Variants in SYNE1 observed in about 807,000 individuals in gnomAD.
The protein encoded by SYNE1 is nesprin-1.
SYNE1 carries 616 observed loss-of-function variants against 1,111.0 expected under a neutral mutation model. The observed-to-expected ratio is 0.55, with a 90% CI of 0.52 to 0.59. SYNE1 has a LOEUF of 0.59. Among genes scored for constraint, SYNE1 ranks in the 20% least tolerant of loss-of-function variants. The probability of loss-of-function intolerance (pLI) is 0.00; values close to 1 mark genes in which losing one functional copy is unlikely to be tolerated. For missense variants in SYNE1, 10,006 were observed against 10,417.0 expected, an observed-to-expected ratio of 0.96 and a Z score of 1.72; for synonymous variants, 3,855 against 3,825.8, an observed-to-expected ratio of 1.01 and a Z score of -0.28.
intron 3 of SYNE1, among the ~76,000 whole-genome samples, chr6:152,620,783 A>G (rs1351797675): frequency 6.6e-6 from 1 of 152,198 alleles, no homozygotes; most frequent in East Asian, 1.9e-4. Context: ...AACTATTTAT[A>G]TTATATGCAC....
At chr6:152,511,774 GT>G (rs2099086287) in intron 6 of SYNE1, among the ~76,000 whole-genome samples, 2 of 152,148 alleles carry the variant, frequency 1.3e-5, no homozygotes, top group Non-Finnish European at 2.9e-5. Flanking sequence ...TTAGCATTCA[GT>G]TCCCTACTTT....
At chr6:152,613,114 T>G (rs1400721299) in intron 3 of SYNE1, among the ~76,000 whole-genome samples, 2 of 152,138 alleles carry the variant, frequency 1.3e-5, no homozygotes, top group African/African-American at 4.8e-5. Context: ...CTCTCACCAC[T>G]CCTATTCAAC....
At chr6:152,199,878 C>G (rs2813536) in intron 127 of SYNE1, among the ~76,000 whole-genome samples, 60,612 of 152,116 alleles carry the variant, frequency 0.4, 12,237 homozygotes, top group Middle Eastern at 0.55. Context: ...AATCTACACA[C>G]TCAATAGCAG....
At chr6:152,506,595 G>T (rs1034084500) in intron 8 of SYNE1, among the ~76,000 whole-genome samples, 4 of 151,868 alleles carry the variant, frequency 2.6e-5, no homozygotes, top group African/African-American at 9.7e-5. Flanking sequence ...AGGCTGGAGT[G>T]CAGTGGCACA....
chr6:152,146,024 C>CAAAAAAAAAAAAAAAAAAAA (rs57218606), intron 137 of SYNE1: 2 of 49,668 alleles, frequency 4.0e-5, no homozygotes, highest in South Asian at 1.0e-3. Flanking sequence ...GACTTCGTCT[C>CAAAAAAAAAAAAAAAAAAAA]AAAAAAAAAA....
rs556134212 is a variant in SYNE1 at position 152,265,450 on chromosome 6, C to A, written c.18815+2606G>T. Among the ~76,000 whole-genome samples the A allele has an allele frequency of 3.3e-5, 5 of 152,056 alleles. No homozygotes were observed. The East Asian group carries it at 9.7e-4, about 29-fold the overall frequency. Reference sequence around the variant, plus strand: ...AGTTGAGTGTCTATAATATTAGTATCTGAATTTTTCTATTTTCTAAAAATT... The same window carrying A: ...AGTTGAGTGTCTATAATATTAGTATATGAATTTTTCTATTTTCTAAAAATT... On this transcript the variant is annotated intron_variant, in intron 100 of 145. Coordinates refer to ENST00000367255, the MANE Select transcript of SYNE1 (RefSeq NM_182961.4).
intron 123 of SYNE1, among the ~76,000 whole-genome samples, chr6:152,212,530 A>G (rs2077717027): frequency 6.6e-6 from 1 of 152,090 alleles, no homozygotes; most frequent in African/African-American, 2.4e-5. Context: ...TTATCAGTTG[A>G]TGGACATTTG....
At chr6:152,557,996 C>G (rs913117977) in intron 3 of SYNE1, among the ~76,000 whole-genome samples, 1 of 152,106 alleles carries the variant, frequency 6.6e-6, no homozygotes, top group Middle Eastern at 3.4e-3. Context: ...ACAACTAAAG[C>G]TACAACAATT....
Position 152,135,086 on chromosome 6 carries a change from A to T in SYNE1, c.25788+18T>A. 1 of 1,614,138 alleles carries T rather than the reference A, an allele frequency of 6.2e-7. No homozygotes were observed. The highest frequency in any genetic ancestry group is 1.7e-5 in the Admixed American group (1 of 60,030). The stretch of plus-strand genomic sequence containing the variant: ...CTGCTAAAAATAACTGGAGGCTGCC[A>T]GAGTTCACACATCTTACCATAAGCT... On this transcript the variant is annotated intron_variant, in intron 142 of 145. Transcript: ENST00000367255.
At chr6:152,626,374 G>A (rs955544980) in intron 3 of SYNE1, among the ~76,000 whole-genome samples, 1 of 152,024 alleles carries the variant, frequency 6.6e-6, no homozygotes, top group African/African-American at 2.4e-5. Context: ...CTTTTGTAAG[G>A]GACTCACCGA....
chr6:152,154,280 G>C (rs2060951479), intron 133 of SYNE1, among the ~76,000 whole-genome samples: 1 of 152,114 alleles, frequency 6.6e-6, no homozygotes, highest in African/African-American at 2.4e-5. Flanking sequence ...TCAATTCTTG[G>C]ATAACTTCTT....
intron 145 of SYNE1, chr6:152,129,165 T>C (rs2054572585): frequency 4.6e-5 from 7 of 152,222 alleles, no homozygotes; most frequent in Admixed American, 4.6e-4. Context: ...AACGATGCCT[T>C]CGACATTTTC....
rs2154269816 is a variant in SYNE1 at position 152,465,365 on chromosome 6, C to T, written c.1825G>A (p.Glu609Lys). 2 of 1,613,870 alleles carry T rather than the reference C, an allele frequency of 1.2e-6. No individual in the cohort carries two copies. Among genetic ancestry groups the T allele is most frequent in the Non-Finnish European group, 1.7e-6 (2 of 1,179,862 alleles). ...VEVRSVRSMLEEVISNWDRYG... is the reference protein window; with the variant it reads ...VEVRSVRSMLKEVISNWDRYG... ...CGATCCCAGTTAGAGATCACTTCTT[C>T]CAGCATGCTCCTCACACTCCTCACT... The change falls in exon 18 of 146, where the codon GAA becomes AAA. Residue 609 changes from glutamate to lysine, a missense_variant. Transcript: ENST00000367255.
intron 104 of SYNE1, among the ~76,000 whole-genome samples, chr6:152,253,842 T>G (rs1335733429): frequency 2.0e-4 from 20 of 98,312 alleles, no homozygotes; most frequent in African/African-American, 3.1e-4. Context: ...TTTTTTTTTT[T>G]TTTTTTTTTT....
At chr6:152,365,500 C>T (rs2097056952) in intron 62 of SYNE1, among the ~76,000 whole-genome samples, 1 of 152,160 alleles carries the variant, frequency 6.6e-6, no homozygotes, top group Non-Finnish European at 1.5e-5. Flanking sequence ...ATCTTTCTCT[C>T]CCAGGCTTCA....
chr6:152,564,592 C>T (rs2099405555), intron 3 of SYNE1, among the ~76,000 whole-genome samples: 3 of 152,114 alleles, frequency 2.0e-5, no homozygotes, highest in Non-Finnish European at 4.4e-5. Flanking sequence ...GCTAGGATTA[C>T]AGGCGTGAGC....
chr6:152,211,614 T>C (rs754436282), intron 123 of SYNE1, 26 bp from the exon 124 acceptor site: 3 of 1,579,336 alleles, frequency 1.9e-6, no homozygotes, highest in Middle Eastern at 1.7e-4. Context: ...AAGAAGAACA[T>C]ACTTTAGAGT....
chr6:152,598,717 A>G (rs2099588786), intron 3 of SYNE1, among the ~76,000 whole-genome samples: 2 of 152,234 alleles, frequency 1.3e-5, no homozygotes. Context: ...GAAGAATTCA[A>G]AATTCTTGAA....
intron 143 of SYNE1, 89 bp from the exon 144 acceptor site, chr6:152,132,303 C>T (rs553222567): frequency 1.9e-6 from 2 of 1,038,086 alleles, no homozygotes; most frequent in East Asian, 2.4e-5. Context: ...ACTCCATCTC[C>T]ATCCACCCCC....
Sources: gnomAD v4.1 joint callset for allele counts (sites outside exome capture counted in the v4.1 genomes callset) on GRCh38, gnomAD v4.1.1 for gene constraint, MANE v1.5 for transcripts, NCBI Gene and HGNC (gene_info 2026-07-23, HGNC 2026-07-21) for gene names.